The following MANBA variants were observed in gnomAD, a reference collection of about 807,000 sequenced individuals.
The protein encoded by MANBA is beta-mannosidase.
Under a neutral mutation model 111.1 loss-of-function variants are expected in MANBA, and 83 were observed. The observed-to-expected ratio is 0.75, with a 90% CI of 0.63 to 0.90. The LOEUF is 0.90. Among genes scored for constraint, MANBA ranks in the 40% least tolerant of loss-of-function variants. The pLI is 0.00. For missense variants in MANBA, 1,036 were observed against 1,069.0 expected, an observed-to-expected ratio of 0.97 and a Z score of 0.43; for synonymous variants, 370 against 378.7, an observed-to-expected ratio of 0.98 and a Z score of 0.27.
intron 1 of MANBA, among the ~76,000 whole-genome samples, chr4:102,738,003 G>T (rs1165185386): frequency 6.6e-6 from 1 of 152,014 alleles, no homozygotes; most frequent in African/African-American, 2.4e-5. Context: ...ATAAACCCTT[G>T]GGACCTCTAT....
chr4:102,662,682 C>T (rs936324871), intron 11 of MANBA: 1 of 156,820 alleles, frequency 6.4e-6, no homozygotes, highest in African/African-American at 2.4e-5. Context: ...TGGAGTTGTT[C>T]CTTTGGCCAT....
At chr4:102,658,102 T>C (rs1730656781) in intron 11 of MANBA, among the ~76,000 whole-genome samples, 1 of 152,246 alleles carries the variant, frequency 6.6e-6, no homozygotes, top group African/African-American at 2.4e-5. Context: ...TTTTCATAAG[T>C]AACACTTAGC....
intron 5 of MANBA, among the ~76,000 whole-genome samples, chr4:102,713,272 G>A (rs925039189): frequency 5.3e-5 from 8 of 152,080 alleles, no homozygotes; most frequent in African/African-American, 1.4e-4. Flanking sequence ...AGCATTGCAC[G>A]CTCTCATTTA....
chr4:102,734,852 CTG>C (rs934932778), intron 1 of MANBA, among the ~76,000 whole-genome samples: 1 of 152,180 alleles, frequency 6.6e-6, no homozygotes, highest in Non-Finnish European at 1.5e-5. Flanking sequence ...CTGAAACACA[CTG>C]TGACTGTATT....
intron 1 of MANBA, among the ~76,000 whole-genome samples, chr4:102,743,433 T>C (rs1441236830): frequency 1.3e-5 from 2 of 152,222 alleles, no homozygotes; most frequent in Non-Finnish European, 2.9e-5. Context: ...GCTGTAGTGC[T>C]GCAGCTATCC....
intron 1 of MANBA, chr4:102,729,510 G>C (rs1370430881): frequency 3.2e-6 from 3 of 937,034 alleles, no homozygotes; most frequent in Non-Finnish European, 5.2e-6. Flanking sequence ...TGAGGAAATT[G>C]ATCTCGTCAG....
chr4:102,680,237 T>G (rs1731902608), intron 7 of MANBA, among the ~76,000 whole-genome samples: 1 of 152,228 alleles, frequency 6.6e-6, no homozygotes. Flanking sequence ...GCACTTATCT[T>G]CAAAGAAGAA....
chr4:102,739,045 A>G (rs1443881768), intron 1 of MANBA, among the ~76,000 whole-genome samples: 1 of 152,214 alleles, frequency 6.6e-6, no homozygotes, highest in Non-Finnish European at 1.5e-5. Context: ...GATAAATGAA[A>G]TTGATAGACC....
intron 1 of MANBA, among the ~76,000 whole-genome samples, chr4:102,747,173 A>ATATATATATATATATATATATATAT (rs1560812741): frequency 5.3e-5 from 8 of 151,502 alleles, no homozygotes; most frequent in African/African-American, 1.7e-4. Context: ...ATATATATAT[A>ATATATATATATATATATATATATAT]AAGGGGAGTT....
Position 102,689,361 on chromosome 4 carries a change from T to A in MANBA, c.960+213A>T, listed in dbSNP as rs944261438. On this transcript the variant is annotated intron_variant, in intron 7 of 16. Coordinates refer to ENST00000647097, the MANE Select transcript of MANBA (RefSeq NM_005908.4). Reference sequence around the variant, plus strand: ...AAGACTCTGTCTCAAAAAAAAAAAATATATATATATATATATATGTGTGTG... The same window carrying A: ...AAGACTCTGTCTCAAAAAAAAAAAAAATATATATATATATATATGTGTGTG... Among the ~76,000 whole-genome samples, 7,196 of 74,948 alleles carry A rather than the reference T, an allele frequency of 0.096. 209 individuals are homozygous for A. The highest frequency in any genetic ancestry group is 0.13 in the African/African-American group (3,064 of 23,668). 49.2% of individuals were successfully genotyped at this position (74,948 alleles called of 152,430 possible). A position where few individuals can be genotyped will look rare whatever the true frequency, so the allele number is the denominator to read the frequency against.
At position 102,642,406 on chromosome 4, in the gene MANBA, G is replaced by A. The variant is rs1484820552; in HGVS notation, c.1870-2549C>T. On this transcript the variant is annotated intron_variant, in intron 13 of 16. Transcript: ENST00000647097. Reference sequence around the variant, plus strand: ...GTGAATCACGAGGTCAGGAGATGGAGATCATCCTGGCTAACACGGTGAAAC... The same window carrying A: ...GTGAATCACGAGGTCAGGAGATGGAAATCATCCTGGCTAACACGGTGAAAC... Among the ~76,000 whole-genome samples, 4 of 152,192 alleles carry A rather than the reference G, an allele frequency of 2.6e-5. No individual in the cohort carries two copies. The East Asian group carries it at 7.7e-4, about 29-fold the overall frequency.
chr4:102,760,087 G>GAC (rs1361789174), intron 1 of MANBA, among the ~76,000 whole-genome samples: 5 of 113,984 alleles, frequency 4.4e-5, no homozygotes, highest in African/African-American at 1.9e-4. Flanking sequence ...ACTCCATTGG[G>GAC]ATACACACAC....
At chr4:102,654,198 C>T (rs1218268590) in intron 12 of MANBA, among the ~76,000 whole-genome samples, 1 of 152,098 alleles carries the variant, frequency 6.6e-6, no homozygotes, top group Non-Finnish European at 1.5e-5. Flanking sequence ...TCATTCCTTC[C>T]TTCCCATTCT....
chr4:102,712,258 T>C (rs1196813729), intron 5 of MANBA, among the ~76,000 whole-genome samples: 1 of 152,228 alleles, frequency 6.6e-6, no homozygotes, highest in African/African-American at 2.4e-5. Flanking sequence ...AGGAACTGTT[T>C]ACACTGAATC....
At chr4:102,689,494 T>C (rs2110242504) in intron 7 of MANBA, 80 bp downstream of exon 7, 1 of 928,772 alleles carries the variant, frequency 1.1e-6, no homozygotes, top group East Asian at 2.7e-5. Flanking sequence ...GACGGTTTCT[T>C]CTTTTCCCAT....
intron 5 of MANBA, among the ~76,000 whole-genome samples, chr4:102,694,948 A>T (rs1319062009): frequency 1.3e-5 from 2 of 152,126 alleles, no homozygotes; most frequent in African/African-American, 4.8e-5. Flanking sequence ...AACCCAGAGG[A>T]TGGTAGAGAA....
rs959859554 is a variant in MANBA at position 102,694,204 on chromosome 4, GA to G, written c.674-3434del. On this transcript the variant is annotated intron_variant, in intron 5 of 16. Coordinates refer to ENST00000647097, the MANE Select transcript of MANBA (RefSeq NM_005908.4). ...TTAACACCCCTGGGAACTACTAAAT[GA>G]AAAAACTAAGGTTGTAGAATTAAAA... Among the ~76,000 whole-genome samples the G allele has an allele frequency of 6.1e-4, 93 of 152,108 alleles. 1 individual carries two copies. The highest frequency in any genetic ancestry group is 2.2e-3 in the African/African-American group (90 of 41,522).
At chr4:102,659,940 A>C (rs1730849654) in intron 11 of MANBA, among the ~76,000 whole-genome samples, 1 of 148,284 alleles carries the variant, frequency 6.7e-6, no homozygotes. Context: ...TGGACACTCT[A>C]CCTCTCTCTC....
chr4:102,673,269 G>C (rs976264090), intron 8 of MANBA, among the ~76,000 whole-genome samples: 2 of 152,220 alleles, frequency 1.3e-5, no homozygotes, highest in Non-Finnish European at 2.9e-5. Context: ...CACTTTGGGA[G>C]GCTGAGGCAG....
Sources: allele counts gnomAD v4.1 joint callset (sites outside exome capture counted in the v4.1 genomes callset), GRCh38; gene constraint gnomAD v4.1.1; transcripts MANE v1.5; gene names NCBI Gene and HGNC (gene_info 2026-07-23, HGNC 2026-07-21).